The following SPATS2L variants were observed in gnomAD, a reference collection of about 807,000 sequenced individuals.
SPATS2L encodes SPATS2-like protein.
A neutral mutation model predicts 59.6 loss-of-function variants in SPATS2L; 30 were observed. That is an observed-to-expected ratio of 0.50 (90% confidence interval 0.38 to 0.68). The LOEUF (loss-of-function observed/expected upper bound fraction) is 0.68, where lower values mean the gene tolerates loss of function less well. SPATS2L is among the 30% of genes least tolerant of loss of function. The probability of loss-of-function intolerance (pLI) is 0.00; values close to 1 mark genes in which losing one functional copy is unlikely to be tolerated. For missense variants in SPATS2L, 615 were observed against 700.0 expected, an observed-to-expected ratio of 0.88 and a Z score of 1.37; for synonymous variants, 252 against 263.5, an observed-to-expected ratio of 0.96 and a Z score of 0.42.
intron 8 of SPATS2L, 72 bp downstream of exon 8, chr2:200,440,856 G>C (rs545179741): frequency 2.9e-5 from 44 of 1,531,044 alleles, no homozygotes; most frequent in Non-Finnish European, 3.5e-5. Context: ...GTATCAGATG[G>C]AAAACGTTGT....
At chr2:200,396,033 A>AATATAAATATATAT (rs1553520467) in intron 3 of SPATS2L, among the ~76,000 whole-genome samples, 11 of 21,132 alleles carry the variant, frequency 5.2e-4, no homozygotes, top group African/African-American at 1.6e-3. Context: ...AAAAAAAAAA[A>AATATAAATATATAT]ATATATATAT....
At chr2:200,373,965 T>G (rs1423857197) in intron 2 of SPATS2L, among the ~76,000 whole-genome samples, 1 of 152,096 alleles carries the variant, frequency 6.6e-6, no homozygotes. Context: ...GAAGGAACTT[T>G]CCCATTTACT....
At chr2:200,386,482 C>T (rs1382348133) in intron 2 of SPATS2L, among the ~76,000 whole-genome samples, 2 of 152,152 alleles carry the variant, frequency 1.3e-5, no homozygotes, top group Non-Finnish European at 2.9e-5. Flanking sequence ...TGTTTTCTTA[C>T]GAATATAGCT....
At chr2:200,319,844 C>T (rs1369126585) in intron 1 of SPATS2L, among the ~76,000 whole-genome samples, 1 of 152,166 alleles carries the variant, frequency 6.6e-6, no homozygotes, top group Admixed American at 6.5e-5. Flanking sequence ...ATCATGTGTG[C>T]CTACTTAGAG....
In SPATS2L at chr2:200,440,715, T is replaced by A. The variant is rs752867720; in HGVS notation, c.719T>A (p.Val240Asp). 2 of 1,613,570 alleles carry A rather than the reference T, an allele frequency of 1.2e-6. No homozygotes were observed. The highest frequency in any genetic ancestry group is 1.7e-6 in the Non-Finnish European group (2 of 1,179,702). The change falls in exon 8 of 13, where the codon GTC becomes GAC. Residue 240 changes from valine to aspartate, a missense_variant. Val to Asp is a radical substitution (Grantham distance 152, BLOSUM62 -3). Coordinates refer to ENST00000409140, the MANE Select transcript of SPATS2L (RefSeq NM_001100423.2). ...RCTVSLTRYR[V>D]MIKEEVDSSV... ...ACCGTTTCTCTAACTAGATATCGCG[T>A]CATGATTAAGGAAGAAGTGGATAGT...
intron 2 of SPATS2L, among the ~76,000 whole-genome samples, chr2:200,345,605 A>G (rs2080486252): frequency 6.6e-6 from 1 of 152,118 alleles, no homozygotes; most frequent in Non-Finnish European, 1.5e-5. Flanking sequence ...TACACTTTCT[A>G]GGTTTACCCA....
In SPATS2L at chr2:200,412,310, G is replaced by C; in HGVS notation, c.40-1G>C. The C allele has an allele frequency of 6.9e-7, 1 of 1,446,232 alleles. No homozygotes were observed. Among genetic ancestry groups the C allele is most frequent in the Non-Finnish European group, 9.5e-7 (1 of 1,056,008 alleles). 89.6% of individuals were successfully genotyped at this position (1,446,232 alleles called of 1,614,324 possible). ...TTTCTTTTTTTTTTTTTCCTTTACA[G>C]ATCTATGCAGTTAGATCAGTTGTTC... On this transcript the variant is annotated splice_acceptor_variant, in intron 3 of 12. Coordinates refer to ENST00000409140, the MANE Select transcript of SPATS2L (RefSeq NM_001100423.2). LOFTEE classifies it high-confidence loss of function.
chr2:200,389,163 G>A (rs1240290429), intron 2 of SPATS2L, 60 bp from the exon 3 acceptor site: 3 of 1,085,010 alleles, frequency 2.8e-6, no homozygotes, highest in South Asian at 1.4e-5. Flanking sequence ...GGAAGAGAGT[G>A]TAAAAATAAC....
chr2:200,384,685 A>G lies in SPATS2L; in HGVS notation c.-22-4538A>G, dbSNP rs114060892. 7.4e-3 allele frequency among the ~76,000 whole-genome samples: 1,125 copies of G among 152,334 alleles called. 12 individuals are homozygous for G. Among genetic ancestry groups the G allele is most frequent in the African/African-American group, 0.025 (1,047 of 41,562 alleles). On this transcript the variant is annotated intron_variant, in intron 2 of 12. Coordinates refer to ENST00000409140, the MANE Select transcript of SPATS2L (RefSeq NM_001100423.2). ...TAAATTTTATACTAGAAAAGTATAT[A>G]TAGATGATGTATTAAAATGGTGAAA...
intron 6 of SPATS2L, among the ~76,000 whole-genome samples, chr2:200,425,013 A>G (rs938661313): frequency 2.0e-5 from 3 of 152,010 alleles, no homozygotes; most frequent in Non-Finnish European, 4.4e-5. Context: ...TACCTTAGCA[A>G]TGCAGATTCT....
At chr2:200,309,494 G>C (rs1354309752) in intron 1 of SPATS2L, among the ~76,000 whole-genome samples, 1 of 152,198 alleles carries the variant, frequency 6.6e-6, no homozygotes, top group Non-Finnish European at 1.5e-5. Flanking sequence ...ACTGTCATTT[G>C]ACTGTGATAA....
At chr2:200,307,119 G>A (rs1413514171) in intron 1 of SPATS2L, among the ~76,000 whole-genome samples, 197 bp downstream of exon 1, 1 of 151,090 alleles carries the variant, frequency 6.6e-6, no homozygotes, top group African/African-American at 2.4e-5. Flanking sequence ...GCGCGGACCG[G>A]ACGCGAAGGT....
At position 200,459,827 on chromosome 2, in the gene SPATS2L, A is replaced by G; in HGVS notation, c.847A>G (p.Met283Val). The G allele has an allele frequency of 6.2e-7, 1 of 1,607,616 alleles. No homozygotes were observed. Among genetic ancestry groups the G allele is most frequent in the Non-Finnish European group, 8.5e-7 (1 of 1,174,932 alleles). The stretch of plus-strand genomic sequence containing the variant: ...AATGGATAAAGTTAAAGAAGAAGCC[A>G]GTAAGTAGACAACACATGGTTATTT... ...AEMDKVKEEAMEILTARQKKA... is the reference protein window; with the variant it reads ...AEMDKVKEEAVEILTARQKKA... Residue 283 changes from methionine (M) to valine (V), a missense_variant and splice_region_variant, in exon 9 of 13, where the codon ATG (methionine) becomes GTG (valine). By Grantham distance (21) the Met-to-Val change is conservative (BLOSUM62 1). Coordinates refer to ENST00000409140, the MANE Select transcript of SPATS2L (RefSeq NM_001100423.2).
chr2:200,442,024 G>GA (rs1435146196), intron 8 of SPATS2L, among the ~76,000 whole-genome samples: 1 of 152,068 alleles, frequency 6.6e-6, no homozygotes, highest in Non-Finnish European at 1.5e-5. Context: ...GAACTTAAAA[G>GA]AAAACTTTCT....
chr2:200,377,350 A>G (rs1478448532), intron 2 of SPATS2L, among the ~76,000 whole-genome samples: 2 of 152,174 alleles, frequency 1.3e-5, no homozygotes, highest in Non-Finnish European at 2.9e-5. Flanking sequence ...ACTCTGCGAG[A>G]TTACTTAAGG....
At chr2:200,341,254 G>A (rs2080315302) in intron 2 of SPATS2L, among the ~76,000 whole-genome samples, 1 of 152,148 alleles carries the variant, frequency 6.6e-6, no homozygotes. Flanking sequence ...ACCCTGGGCA[G>A]GGCCTGGATT....
chr2:200,421,961 G>A (rs970201642), intron 6 of SPATS2L, among the ~76,000 whole-genome samples: 6 of 152,126 alleles, frequency 3.9e-5, no homozygotes, highest in African/African-American at 1.4e-4. Flanking sequence ...AACAATGTCA[G>A]TAACTCTGTC....
At chr2:200,359,243 A>G (rs1436892559) in intron 2 of SPATS2L, among the ~76,000 whole-genome samples, 3 of 151,946 alleles carry the variant, frequency 2.0e-5, no homozygotes, top group Non-Finnish European at 4.4e-5. Flanking sequence ...TTTCTAATTG[A>G]TGTTCAGTTT....
At chr2:200,435,627 C>T (rs552466029) in intron 6 of SPATS2L, among the ~76,000 whole-genome samples, 33 of 152,186 alleles carry the variant, frequency 2.2e-4, no homozygotes, top group African/African-American at 7.9e-4. Context: ...TAATGATGAA[C>T]AAGACATACA....
Sources: gnomAD v4.1 joint callset for allele counts (sites outside exome capture counted in the v4.1 genomes callset) on GRCh38, gnomAD v4.1.1 for gene constraint, MANE v1.5 for transcripts, NCBI Gene and HGNC (gene_info 2026-07-23, HGNC 2026-07-21) for gene names.